Variants in DHX9 observed in about 807,000 individuals in gnomAD.
The protein encoded by DHX9 is ATP-dependent RNA helicase A.
In DHX9, 27 loss-of-function variants were observed where a neutral mutation model predicts 148.7. That is an observed-to-expected ratio of 0.18 (90% CI 0.13 to 0.25). DHX9 has a LOEUF of 0.25. Ranked by LOEUF, DHX9 falls within the 10% of genes least tolerant of loss-of-function variation. The pLI, the probability that DHX9 is intolerant of heterozygous loss-of-function variation, is 1.00. For synonymous variants in DHX9, 529 were observed against 516.6 expected, an observed-to-expected ratio of 1.02 and a Z score of -0.33; for missense variants, 796 against 1,559.6, an observed-to-expected ratio of 0.51 and a Z score of 8.25.
intron 27 of DHX9, among the ~76,000 whole-genome samples, 194 bp from the exon 28 acceptor site, chr1:182,886,887 GAA>G (rs1173555862): frequency 6.6e-6 from 1 of 152,176 alleles, no homozygotes; most frequent in East Asian, 1.9e-4. Flanking sequence ...GATTGAACCA[GAA>G]CTTCAGAAAA....
At chr1:182,852,398 A>G (rs1668170468) in intron 4 of DHX9, 54 bp downstream of exon 4, 2 of 1,262,580 alleles carry the variant, frequency 1.6e-6, no homozygotes. Flanking sequence ...CACAATCTTG[A>G]TCACCATCTC....
chr1:182,873,126 T>C (rs1648616416), intron 15 of DHX9, among the ~76,000 whole-genome samples: 1 of 151,974 alleles, frequency 6.6e-6, no homozygotes, highest in African/African-American at 2.4e-5. Flanking sequence ...TGGCTAATTT[T>C]TGTATATTTT....
At chr1:182,875,201 C>T (rs1222443925) in intron 16 of DHX9, 5 of 514,640 alleles carry the variant, frequency 9.7e-6, no homozygotes, top group Middle Eastern at 2.9e-4. Context: ...AGAAAGAATG[C>T]GATGTTTAAA....
At chr1:182,855,149 T>C (rs1470579267) in intron 6 of DHX9, among the ~76,000 whole-genome samples, 2 of 152,212 alleles carry the variant, frequency 1.3e-5, no homozygotes, top group East Asian at 3.8e-4. Context: ...TTCTCAGATA[T>C]TTCTGGTGTC....
chr1:182,852,845 G>C (rs1668179295), intron 4 of DHX9, among the ~76,000 whole-genome samples: 1 of 150,984 alleles, frequency 6.6e-6, no homozygotes, highest in Non-Finnish European at 1.5e-5. Context: ...TTATTGGGAT[G>C]TCTACCATAT....
At position 182,858,138 on chromosome 1, in the gene DHX9, A is replaced by G. The variant is rs914146692; in HGVS notation, c.708A>G (p.Lys236=). The change falls in exon 8 of 28, where the codon AAA becomes AAG. Residue 236 remains lysine (K), a synonymous_variant. Coordinates refer to ENST00000367549, the MANE Select transcript of DHX9 (RefSeq NM_001357.5). ...CACGAGAACATGGATCAAATAAGAA[A>G]TTGGCAGCACAGTCCTGTGCCCTGT... ...IFAREHGSNK[K]LAAQSCALSL... is the part of the protein sequence containing the mutation. 6.2e-7 allele frequency: 1 copy of G among 1,613,692 alleles called. No individual in the cohort carries two copies. Among genetic ancestry groups the G allele is most frequent in the Non-Finnish European group, 8.5e-7 (1 of 1,179,926 alleles).
At chr1:182,859,862 C>T (rs1466682367) in intron 11 of DHX9, 131 bp from the exon 12 acceptor site, 12 of 770,486 alleles carry the variant, frequency 1.6e-5, no homozygotes, top group Admixed American at 2.9e-5. Flanking sequence ...CCTCAGCCTC[C>T]CAAAGTGCTG....
intron 7 of DHX9, among the ~76,000 whole-genome samples, chr1:182,857,043 G>C (rs1158472873): frequency 6.6e-6 from 1 of 152,130 alleles, no homozygotes; most frequent in Non-Finnish European, 1.5e-5. Context: ...TGGAGACGGG[G>C]TTTCACCATG....
chr1:182,887,331 C>G lies in DHX9; in HGVS notation c.3710C>G (p.Pro1237Arg). 6.2e-7 allele frequency: 1 copy of G among 1,613,908 alleles called. No homozygotes were observed. The highest frequency in any genetic ancestry group is 1.3e-5 in the African/African-American group (1 of 74,938). Residue 1237 changes from proline to arginine, a missense_variant, in exon 28 of 28, where the codon CCT becomes CGT. Physicochemically the swap from Pro to Arg is moderately radical, Grantham distance 103. Coordinates refer to ENST00000367549, the MANE Select transcript of DHX9 (RefSeq NM_001357.5). ...AACTCTGGAGGAGACTACAGAGGGC[C>G]TAGTGGAGGCTACAGAGGATCTGGG... ...RGNSGGDYRG[P>R]SGGYRGSGGF...
At chr1:182,860,793 G>A (rs902894265) in intron 12 of DHX9, among the ~76,000 whole-genome samples, 2 of 152,122 alleles carry the variant, frequency 1.3e-5, no homozygotes, top group African/African-American at 4.8e-5. Flanking sequence ...AATGAGCAGC[G>A]CCTGCATGTT....
intron 11 of DHX9, among the ~76,000 whole-genome samples, 154 bp from the exon 12 acceptor site, chr1:182,859,839 C>A (rs182970755): frequency 6.6e-6 from 1 of 152,282 alleles, no homozygotes; most frequent in Admixed American, 6.5e-5. Context: ...TCTCGAACTC[C>A]TCACCTCATG....
intron 21 of DHX9, 66 bp from the exon 22 acceptor site, chr1:182,880,431 T>G: frequency 9.5e-7 from 1 of 1,054,240 alleles, no homozygotes; most frequent in Non-Finnish European, 1.5e-6. Context: ...TAATTTAGAG[T>G]AATGTTTTGT....
At position 182,887,460 on chromosome 1, in the gene DHX9, G is replaced by A; in HGVS notation, c.*26G>A. 6.3e-7 allele frequency: 1 copy of A among 1,586,750 alleles called. No individual in the cohort carries two copies. Among genetic ancestry groups the A allele is most frequent in the Non-Finnish European group, 8.6e-7 (1 of 1,162,510 alleles). On this transcript the variant is annotated 3_prime_UTR_variant, in exon 28 of 28. Transcript: ENST00000367549. ...AACTTGGTTATGTCAGTTCCTGTGT[G>A]TAGACAGTAAGGAAAAAAAGGCATG... is the stretch of plus-strand genomic sequence containing the variant.
intron 4 of DHX9, 127 bp from the exon 5 acceptor site, chr1:182,853,179 C>T (rs1571301980): frequency 6.3e-6 from 4 of 639,560 alleles, no homozygotes; most frequent in East Asian, 2.9e-5. Flanking sequence ...CCCACCTCAG[C>T]GTCCGGAAGT....
At chr1:182,856,123 A>G (rs992820909) in intron 6 of DHX9, among the ~76,000 whole-genome samples, 6 of 152,218 alleles carry the variant, frequency 3.9e-5, no homozygotes, top group East Asian at 1.9e-4. Context: ...TGGGTGGCCT[A>G]TGCAAAGGAA....
chr1:182,866,290 C>T (rs905455639), intron 12 of DHX9, among the ~76,000 whole-genome samples, 154 bp from the exon 13 acceptor site: 1 of 152,066 alleles, frequency 6.6e-6, no homozygotes, highest in Non-Finnish European at 1.5e-5. Flanking sequence ...AAGTGTCTGC[C>T]GTAGAACCAA....
intron 14 of DHX9, 133 bp from the exon 15 acceptor site, chr1:182,872,204 T>C: frequency 1.4e-6 from 1 of 698,666 alleles, no homozygotes; most frequent in Non-Finnish European, 2.4e-6. Flanking sequence ...TGTGGTCCTT[T>C]ATCTTGGCAC....
Position 182,875,189 on chromosome 1 carries a change from GAAGA to G in DHX9, c.1815+241_1815+244del, listed in dbSNP as rs1456663508. The G allele has an allele frequency of 9.2e-6, 5 of 541,638 alleles. No homozygotes were observed. In the East Asian group the frequency reaches 2.2e-4, roughly 24 times the overall value. The allele number at this position is 541,638 out of a possible 1,614,324, so 33.6% of individuals were successfully genotyped here. On this transcript the variant is annotated intron_variant, in intron 16 of 27. Transcript: ENST00000367549. ...TCTGGCGTAAAGATCAAAGGAAAAAGAAGAAAGAATGCGATGTTTAAAGGCCAGG... is the reference window on the plus strand; with the variant it reads ...TCTGGCGTAAAGATCAAAGGAAAAAGAAGAATGCGATGTTTAAAGGCCAGG...
In DHX9 at chr1:182,856,520, A is replaced by G. The variant is rs1668253489; in HGVS notation, c.627-12A>G. The G allele has an allele frequency of 6.2e-7, 1 of 1,613,234 alleles. No homozygotes were observed. Among genetic ancestry groups the G allele is most frequent in the Non-Finnish European group, 8.5e-7 (1 of 1,179,386 alleles). Reference sequence around the variant, plus strand: ...GTGAAATTTCTAACCTTGCTTGTATATGTTGTTACAGGAGCTTTATTGCAG... The same window carrying G: ...GTGAAATTTCTAACCTTGCTTGTATGTGTTGTTACAGGAGCTTTATTGCAG... On this transcript the variant is annotated splice_polypyrimidine_tract_variant and intron_variant, in intron 6 of 27. Coordinates refer to ENST00000367549, the MANE Select transcript of DHX9 (RefSeq NM_001357.5).
Sources: allele counts gnomAD v4.1 joint callset (sites outside exome capture counted in the v4.1 genomes callset), GRCh38; gene constraint gnomAD v4.1.1; transcripts MANE v1.5; gene names NCBI Gene and HGNC (gene_info 2026-07-23, HGNC 2026-07-21).